The following RPS6KC1 variants were observed in gnomAD, a reference collection of about 807,000 sequenced individuals.
RPS6KC1 encodes inactive ribosomal protein S6 kinase delta-1.
Under a neutral mutation model 103.8 loss-of-function variants are expected in RPS6KC1, and 54 were observed. The ratio of observed to expected loss-of-function variants is 0.52; its 90% CI spans 0.42 to 0.65. The LOEUF is 0.65. Ranked by LOEUF, RPS6KC1 falls within the 30% of genes least tolerant of loss-of-function variation. RPS6KC1 has a pLI of 0.00. For missense variants in RPS6KC1, 1,151 were observed against 1,253.8 expected (o/e 0.92, Z 1.24); for synonymous variants, 439 against 438.7 (o/e 1.00, Z -0.01).
At chr1:213,301,480 A>G in the RPS6KC1 span, among the ~76,000 whole-genome samples, 1 of 152,186 alleles carries the variant, frequency 6.6e-6, no homozygotes, top group Admixed American at 6.5e-5. Flanking sequence ...GCAGTGATAA[A>G]CAAGGCAGAA....
the RPS6KC1 span, among the ~76,000 whole-genome samples, chr1:213,621,070 G>A: frequency 1.3e-5 from 2 of 152,134 alleles, no homozygotes; most frequent in Non-Finnish European, 2.9e-5. Flanking sequence ...CAGGTGCAGA[G>A]GATCCAGCAG....
At chr1:213,762,796 C>T in the RPS6KC1 span, among the ~76,000 whole-genome samples, 2 of 151,780 alleles carry the variant, frequency 1.3e-5, no homozygotes, top group African/African-American at 4.8e-5. Flanking sequence ...ATAACCCAGG[C>T]TTAACTAAGT....
the RPS6KC1 span, among the ~76,000 whole-genome samples, chr1:213,296,461 G>A: frequency 6.6e-6 from 1 of 152,176 alleles, no homozygotes; most frequent in Admixed American, 6.5e-5. Flanking sequence ...AGACTTGGGG[G>A]TCTCTTGCAT....
chr1:213,821,588 T>C, the RPS6KC1 span: 5 of 152,220 alleles, frequency 3.3e-5, no homozygotes, highest in African/African-American at 1.2e-4. Context: ...TCTTCCTGTA[T>C]CCATTTTTAT....
Position 213,160,483 on chromosome 1 carries a change from C to T in RPS6KC1, c.836-7375C>T, listed in dbSNP as rs72745837. Among the ~76,000 whole-genome samples, 758 of 152,238 alleles carry T rather than the reference C, an allele frequency of 5.0e-3. 5 individuals carry two copies. Among genetic ancestry groups the T allele is most frequent in the African/African-American group, 0.015 (615 of 41,548 alleles). On this transcript the variant is annotated intron_variant, in intron 6 of 14. Coordinates refer to ENST00000366960, the MANE Select transcript of RPS6KC1 (RefSeq NM_012424.6). ...TCCTTTTGTTTGCATTTCAGCTACACGGATGATGAAGACCATAATTAAAGA... is the reference window on the plus strand; with the variant it reads ...TCCTTTTGTTTGCATTTCAGCTACATGGATGATGAAGACCATAATTAAAGA...
At chr1:213,423,918 C>T in the RPS6KC1 span, among the ~76,000 whole-genome samples, 4 of 152,314 alleles carry the variant, frequency 2.6e-5, no homozygotes, top group African/African-American at 4.8e-5. Flanking sequence ...ATAATACACG[C>T]GAGTTTGCCA....
intron 4 of RPS6KC1, among the ~76,000 whole-genome samples, chr1:213,106,235 A>G (rs2082479282): frequency 3.9e-5 from 6 of 152,158 alleles, no homozygotes; most frequent in Admixed American, 3.9e-4. Flanking sequence ...ATTTAAATAG[A>G]GATAATCAAG....
At chr1:213,669,533 GTGAGAATTACCAAAA>G in the RPS6KC1 span, among the ~76,000 whole-genome samples, 1 of 152,048 alleles carries the variant, frequency 6.6e-6, no homozygotes, top group African/African-American at 2.4e-5. Context: ...TTGAAACATT[GTGAGAATTACCAAAA>G]TGTTACACAG....
intron 5 of RPS6KC1, 50 bp downstream of exon 5, chr1:213,117,460 C>G (rs374345867): frequency 1.0e-5 from 11 of 1,049,260 alleles, no homozygotes; most frequent in African/African-American, 1.6e-5. Context: ...TTACAGAAGA[C>G]TATAAATCAT....
the RPS6KC1 span, among the ~76,000 whole-genome samples, chr1:213,428,384 T>C: frequency 6.7e-6 from 1 of 148,398 alleles, no homozygotes; most frequent in Non-Finnish European, 1.5e-5. Flanking sequence ...TCTTCTTTTT[T>C]ACCTCCCTCT....
At chr1:213,435,874 C>T in the RPS6KC1 span, among the ~76,000 whole-genome samples, 6 of 151,998 alleles carry the variant, frequency 3.9e-5, no homozygotes, top group African/African-American at 9.7e-5. Flanking sequence ...CTCTTTCCTG[C>T]CAACCCTAGC....
chr1:213,390,900 G>A, the RPS6KC1 span, among the ~76,000 whole-genome samples: 3 of 152,096 alleles, frequency 2.0e-5, no homozygotes, highest in Non-Finnish European at 4.4e-5. Flanking sequence ...CATGTGTGGG[G>A]GTGAGGGGCC....
chr1:213,105,680 T>A (rs1196797084), intron 4 of RPS6KC1, among the ~76,000 whole-genome samples: 1 of 152,226 alleles, frequency 6.6e-6, no homozygotes, highest in East Asian at 1.9e-4. Flanking sequence ...TTGACCGTGT[T>A]GCTTAATTTT....
At chr1:213,387,484 T>C in the RPS6KC1 span, among the ~76,000 whole-genome samples, 2 of 152,322 alleles carry the variant, frequency 1.3e-5, no homozygotes, top group Non-Finnish European at 2.9e-5. Context: ...TCAACACACA[T>C]TATTCATAAT....
chr1:213,071,123 T>C, intron 2 of RPS6KC1, 82 bp downstream of exon 2: 1 of 809,134 alleles, frequency 1.2e-6, no homozygotes, highest in Non-Finnish European at 2.0e-6. Flanking sequence ...GCCTGAATCA[T>C]TTGTACATCA....
rs999398743 is a variant in RPS6KC1 at position 213,273,555 on chromosome 1, C to T, written c.*921C>T. On this transcript the variant is annotated 3_prime_UTR_variant, in exon 15 of 15. Transcript: ENST00000366960. Reference sequence around the variant, plus strand: ...CCTTGTGAAATATTATCAGTTTCTACCATTGCTTCTCATGCTTGACTTTGT... The same window carrying T: ...CCTTGTGAAATATTATCAGTTTCTATCATTGCTTCTCATGCTTGACTTTGT... The T allele has an allele frequency of 3.9e-5, 6 of 152,504 alleles. No homozygotes were observed. Among genetic ancestry groups the T allele is most frequent in the Non-Finnish European group, 8.8e-5 (6 of 68,028 alleles). The allele number at this position is 152,504 out of a possible 1,614,324, so 9.4% of individuals were successfully genotyped here.
the RPS6KC1 span, among the ~76,000 whole-genome samples, chr1:213,742,044 A>C: frequency 6.6e-6 from 1 of 152,222 alleles, no homozygotes; most frequent in African/African-American, 2.4e-5. Flanking sequence ...TGTCTTTGGC[A>C]TAAGAGCCTA....
At chr1:213,798,314 A>G in the RPS6KC1 span, among the ~76,000 whole-genome samples, 227 of 152,324 alleles carry the variant, frequency 1.5e-3, 2 homozygotes, top group Middle Eastern at 6.8e-3. Flanking sequence ...ATGACACCCA[A>G]GGGCTGCCCA....
chr1:213,391,729 A>G, the RPS6KC1 span, among the ~76,000 whole-genome samples: 1 of 152,238 alleles, frequency 6.6e-6, no homozygotes, highest in Non-Finnish European at 1.5e-5. Context: ...TAGGGATTAA[A>G]TGACAGAATA....
Sources: gnomAD v4.1 joint callset for allele counts (sites outside exome capture counted in the v4.1 genomes callset) on GRCh38, gnomAD v4.1.1 for gene constraint, MANE v1.5 for transcripts, NCBI Gene and HGNC (gene_info 2026-07-23, HGNC 2026-07-21) for gene names.